The following MTUS1 variants were observed in gnomAD, a reference collection of about 807,000 sequenced individuals.
MTUS1 encodes microtubule associated scaffold protein 1.
Under a neutral mutation model 120.8 loss-of-function variants are expected in MTUS1, and 109 were observed. The observed-to-expected ratio is 0.90, with a 90% CI of 0.77 to 1.06. The LOEUF (loss-of-function observed/expected upper bound fraction) is 1.06, where lower values mean the gene tolerates loss of function less well. Ranked by LOEUF, MTUS1 falls within the 50% of genes least tolerant of loss-of-function variation. The pLI, the probability that MTUS1 is intolerant of heterozygous loss-of-function variation, is 0.00. For synonymous variants in MTUS1, 737 were observed against 550.5 expected (o/e 1.34, Z -4.74); for missense variants, 2,210 against 1,486.3 (o/e 1.49, Z -8.01).
chr8:17,799,066 G>C (rs1379427445), intron 1 of MTUS1, among the ~76,000 whole-genome samples: 1 of 151,542 alleles, frequency 6.6e-6, no homozygotes, highest in Non-Finnish European at 1.5e-5. Flanking sequence ...ACAAGAATAC[G>C]GTAACACCAG....
intron 6 of MTUS1, among the ~76,000 whole-genome samples, chr8:17,709,777 G>C (rs930797855): frequency 2.6e-5 from 4 of 152,122 alleles, no homozygotes; most frequent in Non-Finnish European, 5.9e-5. Flanking sequence ...GGGAGGCCGA[G>C]GCAGGTGGAT....
chr8:17,647,731 G>C (rs1024700042), intron 13 of MTUS1, among the ~76,000 whole-genome samples: 3 of 152,172 alleles, frequency 2.0e-5, no homozygotes, highest in African/African-American at 7.2e-5. Context: ...CAAACAAACT[G>C]ATCAGCGGAG....
At position 17,798,130 on chromosome 8, in the gene MTUS1, T is replaced by A. The variant is rs374566377; in HGVS notation, c.-155+2931A>T. The stretch of plus-strand genomic sequence containing the variant: ...AAATGGAGTGTGAGCCTACTTTGTA[T>A]AATCACAGAATAACAGATCTGAAAA... On this transcript the variant is annotated intron_variant, in intron 1 of 14. Transcript: ENST00000693296. Among the ~76,000 whole-genome samples, 3 of 152,284 alleles carry A rather than the reference T, an allele frequency of 2.0e-5. No individual in the cohort carries two copies. In the East Asian group the frequency reaches 5.8e-4, roughly 29 times the overall value.
intron 2 of MTUS1, among the ~76,000 whole-genome samples, chr8:17,747,816 T>C (rs1290039585): frequency 1.3e-5 from 2 of 152,062 alleles, no homozygotes; most frequent in African/African-American, 2.4e-5. Context: ...TTAATTGGAC[T>C]TAAGAGTTCC....
rs187826196 is a variant in MTUS1, at chr8:17,674,414, G to A, written c.2905+772C>T. On this transcript the variant is annotated intron_variant, in intron 8 of 14. Coordinates refer to ENST00000693296, the MANE Select transcript of MTUS1 (RefSeq NM_001363059.2). ...CAGTCTGGTGACAGAGCAAGATTCC[G>A]TCTCAAAAAAAAAAGAAAAAGAAAC... 4.4e-4 allele frequency: 418 copies of A among 954,236 alleles called. 1 individual carries two copies. In the African/African-American group the frequency reaches 7.0e-3, roughly 16 times the overall value. 59.1% of individuals were successfully genotyped at this position (954,236 alleles called of 1,614,324 possible).
chr8:17,737,947 T>G (rs762770633), intron 3 of MTUS1, among the ~76,000 whole-genome samples: 2 of 152,204 alleles, frequency 1.3e-5, no homozygotes, highest in Non-Finnish European at 1.5e-5. Flanking sequence ...TGAAGAAGAT[T>G]TGAAATTACC....
At chr8:17,796,546 C>A (rs1287530387) in intron 1 of MTUS1, among the ~76,000 whole-genome samples, 1 of 152,134 alleles carries the variant, frequency 6.6e-6, no homozygotes, top group East Asian at 1.9e-4. Context: ...TCACAAGTTG[C>A]CAATCTGCTT....
At chr8:17,772,642 A>G (rs1318531021) in intron 1 of MTUS1, among the ~76,000 whole-genome samples, 1 of 152,184 alleles carries the variant, frequency 6.6e-6, no homozygotes, top group East Asian at 1.9e-4. Context: ...TTTTCCTACA[A>G]AGAGAAACTA....
intron 6 of MTUS1, among the ~76,000 whole-genome samples, chr8:17,685,521 G>A (rs970885520): frequency 1.3e-5 from 2 of 151,440 alleles, no homozygotes; most frequent in Non-Finnish European, 2.9e-5. Flanking sequence ...TTTCATTACA[G>A]CATCCACGTT....
intron 1 of MTUS1, among the ~76,000 whole-genome samples, chr8:17,774,138 TAGATAAACGC>T (rs1715244467): frequency 6.6e-6 from 1 of 152,210 alleles, no homozygotes; most frequent in Non-Finnish European, 1.5e-5. Flanking sequence ...CTCGTTTTCC[TAGATAAACGC>T]TACTAACAGC....
intron 6 of MTUS1, among the ~76,000 whole-genome samples, chr8:17,709,863 C>T (rs934228312): frequency 6.6e-5 from 10 of 151,896 alleles, no homozygotes; most frequent in South Asian, 4.2e-4. Context: ...AAAAATTAGC[C>T]GGGCATGGTG....
chr8:17,769,927 C>CG (rs375925500), intron 1 of MTUS1, among the ~76,000 whole-genome samples: 2 of 48,402 alleles, frequency 4.1e-5, no homozygotes, highest in East Asian at 1.4e-3. Context: ...CACACACACA[C>CG]GGGGGGGGTT....
chr8:17,751,656 A>C (rs1156853718), intron 2 of MTUS1, among the ~76,000 whole-genome samples: 4 of 152,032 alleles, frequency 2.6e-5, no homozygotes, highest in African/African-American at 7.2e-5. Context: ...TCAAGAGATC[A>C]AGACCATCCT....
intron 8 of MTUS1, among the ~76,000 whole-genome samples, chr8:17,660,604 T>C (rs914913318): frequency 1.5e-4 from 23 of 152,182 alleles, no homozygotes; most frequent in African/African-American, 5.1e-4. Context: ...TGAAGGACTA[T>C]GGTACTCTTT....
rs562698937 is a variant in MTUS1 at position 17,709,735 on chromosome 8, G to A, written c.2623+3479C>T. Among the ~76,000 whole-genome samples the A allele has an allele frequency of 2.6e-4, 40 of 152,090 alleles. 1 individual carries two copies. Among genetic ancestry groups the A allele is most frequent in the Non-Finnish European group, 4.3e-4 (29 of 67,968 alleles). On this transcript the variant is annotated intron_variant, in intron 6 of 14. Transcript: ENST00000693296. ...AAATATATACCTTAATTTGCCAGGC[G>A]TGGTGGCTCACACCTGTAATCCCAT...
At chr8:17,737,181 G>A (rs1354533027) in intron 3 of MTUS1, among the ~76,000 whole-genome samples, 2 of 152,118 alleles carry the variant, frequency 1.3e-5, no homozygotes, top group East Asian at 1.9e-4. Flanking sequence ...CAGAACACCC[G>A]GCCCATTTCC....
chr8:17,676,185 G>A, intron 7 of MTUS1: 3 of 695,476 alleles, frequency 4.3e-6, no homozygotes, highest in South Asian at 3.0e-5. Context: ...AGAGTTGCTT[G>A]TCATTCAAAG....
At chr8:17,670,206 C>T (rs1355476996) in intron 8 of MTUS1, among the ~76,000 whole-genome samples, 1 of 152,186 alleles carries the variant, frequency 6.6e-6, no homozygotes, top group Non-Finnish European at 1.5e-5. Flanking sequence ...AAGGAAGGGG[C>T]TGGACCATCA....
At chr8:17,685,884 A>G (rs1815683400) in intron 6 of MTUS1, among the ~76,000 whole-genome samples, 1 of 152,216 alleles carries the variant, frequency 6.6e-6, no homozygotes. Context: ...GTAGTAGCTT[A>G]TGAATAATTG....
Sources: gnomAD v4.1 joint callset for allele counts (sites outside exome capture counted in the v4.1 genomes callset) on GRCh38, gnomAD v4.1.1 for gene constraint, MANE v1.5 for transcripts, NCBI Gene and HGNC (gene_info 2026-07-23, HGNC 2026-07-21) for gene names.